The following HSD17B3 variants were observed in gnomAD, a reference collection of about 807,000 sequenced individuals.
The protein encoded by HSD17B3 is 17-beta-hydroxysteroid dehydrogenase type 3.
HSD17B3 carries 29 observed loss-of-function variants against 41.1 expected under a neutral mutation model. The observed-to-expected ratio is 0.71, with a 90% confidence interval of 0.53 to 0.96. HSD17B3 has a LOEUF of 0.96. Among genes scored for constraint, HSD17B3 ranks in the 40% least tolerant of loss-of-function variants. The pLI is 0.00. For missense variants in HSD17B3, 323 were observed against 374.6 expected (o/e 0.86, Z 1.14); for synonymous variants, 126 against 145.6 (o/e 0.87, Z 0.97).
rs757853173 is a variant in HSD17B3, at chr9:96,291,350, AC to A, written c.201+7065del. Among the ~76,000 whole-genome samples, 35 of 55,604 alleles carry A rather than the reference AC, an allele frequency of 6.3e-4. No individual in the cohort carries two copies. In the East Asian group the frequency reaches 0.016, roughly 25 times the overall value. The allele number at this position is 55,604 out of a possible 152,430, so 36.5% of individuals were successfully genotyped here. On this transcript the variant is annotated intron_variant, in intron 2 of 10. Coordinates refer to ENST00000375263, the MANE Select transcript of HSD17B3 (RefSeq NM_000197.2). ...AGGCCCAGGAAGAAGCCAGAACCCCACCCCCACCCAACAGTAAGAAGTAGGC... is the reference window on the plus strand; with the variant it reads ...AGGCCCAGGAAGAAGCCAGAACCCCACCCCACCCAACAGTAAGAAGTAGGC...
rs753222380 is a variant in HSD17B3 at position 96,252,908 on chromosome 9, G to A, written c.280C>T (p.Arg94Trp). The A allele has an allele frequency of 7.5e-6, 12 of 1,596,516 alleles. No homozygotes were observed. Among genetic ancestry groups the A allele is most frequent in the African/African-American group, 2.7e-5 (2 of 74,402 alleles). Residue 94 changes from arginine to tryptophan, a missense_variant and splice_region_variant, in exon 4 of 11, where the codon CGG (arginine) becomes TGG (tryptophan). By Grantham distance (101) the Arg-to-Trp change is moderately radical. Transcript: ENST00000375263. ...ATCTTCACACTCCTCCCTGTAGTCCGCTCTACACGAGAGACAACAGTTTTT... is the reference window on the plus strand; with the variant it reads ...ATCTTCACACTCCTCCCTGTAGTCCACTCTACACGAGAGACAACAGTTTTT... ...KLEAIATEIE[R>W]TTGRSVKIIQ...
At chr9:96,298,211 T>C (rs1827437962) in intron 2 of HSD17B3, among the ~76,000 whole-genome samples, 1 of 152,240 alleles carries the variant, frequency 6.6e-6, no homozygotes, top group African/African-American at 2.4e-5. Flanking sequence ...GGCAAGGTAC[T>C]GTCACCTTTG....
At chr9:96,290,189 C>T (rs539185591) in intron 2 of HSD17B3, among the ~76,000 whole-genome samples, 60 of 152,270 alleles carry the variant, frequency 3.9e-4, no homozygotes, top group African/African-American at 1.4e-3. Flanking sequence ...TTTTTTCCCA[C>T]CTGCCTCAAG....
At chr9:96,270,247 T>TACAC (rs35263931) in intron 2 of HSD17B3, among the ~76,000 whole-genome samples, 2,254 of 147,296 alleles carry the variant, frequency 0.015, 37 homozygotes, top group African/African-American at 0.036. Context: ...CCCAAACACA[T>TACAC]ACACACACAC....
chr9:96,240,172 T>G (rs555859884), intron 10 of HSD17B3, among the ~76,000 whole-genome samples: 1 of 152,280 alleles, frequency 6.6e-6, no homozygotes, highest in South Asian at 2.1e-4. Flanking sequence ...CAAACCACCA[T>G]GGCACATGTA....
intron 8 of HSD17B3, among the ~76,000 whole-genome samples, chr9:96,244,766 T>C (rs1564025277): frequency 6.6e-6 from 1 of 152,156 alleles, no homozygotes; most frequent in African/African-American, 2.4e-5. Flanking sequence ...TTGCATACTA[T>C]AAATAGACAC....
intron 2 of HSD17B3, among the ~76,000 whole-genome samples, chr9:96,261,937 C>T (rs1025068717): frequency 6.6e-6 from 1 of 152,182 alleles, no homozygotes; most frequent in African/African-American, 2.4e-5. Context: ...ACAGGTTCAG[C>T]ACTTGGACTA....
chr9:96,285,718 A>C (rs1826893540), intron 2 of HSD17B3, among the ~76,000 whole-genome samples: 1 of 152,084 alleles, frequency 6.6e-6, no homozygotes, highest in African/African-American at 2.4e-5. Context: ...TGACCCTCAC[A>C]ATATTGATGC....
At chr9:96,238,365 G>T (rs1384787905) in intron 10 of HSD17B3, among the ~76,000 whole-genome samples, 4 of 151,828 alleles carry the variant, frequency 2.6e-5, no homozygotes, top group Non-Finnish European at 4.4e-5. Flanking sequence ...AAGTGCACAA[G>T]AAATCTGTAG....
intron 10 of HSD17B3, among the ~76,000 whole-genome samples, chr9:96,240,384 G>A (rs970878565): frequency 6.6e-6 from 1 of 152,164 alleles, no homozygotes; most frequent in African/African-American, 2.4e-5. Context: ...AGTGGTTTGT[G>A]CTTGTTTTGT....
At chr9:96,250,391 T>C in intron 5 of HSD17B3, 1 of 1,069,384 alleles carries the variant, frequency 9.4e-7, no homozygotes, top group Non-Finnish European at 1.1e-6. Context: ...AGAGAGGAGT[T>C]CAGGAGTTTG....
At chr9:96,289,715 G>A (rs58629280) in intron 2 of HSD17B3, among the ~76,000 whole-genome samples, 2,905 of 152,278 alleles carry the variant, frequency 0.019, 84 homozygotes, top group African/African-American at 0.067. Context: ...GGGGGCGCCC[G>A]AGAACACTTG....
chr9:96,296,195 C>T (rs1458625763), intron 2 of HSD17B3, among the ~76,000 whole-genome samples: 1 of 152,168 alleles, frequency 6.6e-6, no homozygotes, highest in African/African-American at 2.4e-5. Flanking sequence ...CTGCAGTGAG[C>T]TGTTTGCACC....
intron 2 of HSD17B3, 149 bp downstream of exon 2, chr9:96,298,267 A>G: frequency 5.3e-6 from 4 of 754,342 alleles, no homozygotes; most frequent in Non-Finnish European, 9.7e-6. Context: ...TGAGATTATT[A>G]TTTTTGTTTG....
Position 96,259,885 on chromosome 9 carries a change from T to C in HSD17B3, c.202-4942A>G, listed in dbSNP as rs965542014. ...TTTGTTCTGATAGTCTGTTCATCAG[T>C]ATTTGGTTTTCACCATAGACAATAG... On this transcript the variant is annotated intron_variant, in intron 2 of 10. Coordinates refer to ENST00000375263, the MANE Select transcript of HSD17B3 (RefSeq NM_000197.2). 6.6e-5 allele frequency among the ~76,000 whole-genome samples: 10 copies of C among 152,346 alleles called. No homozygotes were observed. In the East Asian group the frequency reaches 1.9e-3, roughly 29 times the overall value.
intron 2 of HSD17B3, among the ~76,000 whole-genome samples, chr9:96,291,053 A>G (rs749900291): frequency 1.3e-5 from 2 of 152,054 alleles, no homozygotes; most frequent in Non-Finnish European, 2.9e-5. Context: ...GCTCTGTAGC[A>G]AGGATCCTGG....
intron 5 of HSD17B3, chr9:96,249,989 T>G: frequency 6.8e-7 from 1 of 1,466,160 alleles, no homozygotes; most frequent in Non-Finnish European, 9.0e-7. Context: ...TCTGTCATTC[T>G]GTACCCACGT....
At chr9:96,300,536 T>A in intron 1 of HSD17B3, among the ~76,000 whole-genome samples, 1 of 126,142 alleles carries the variant, frequency 7.9e-6, no homozygotes, top group Non-Finnish European at 1.7e-5. Flanking sequence ...CCTATAAGCA[T>A]ATTAGAATCT....
In HSD17B3 at chr9:96,296,712, C is replaced by T. The variant is rs149493954; in HGVS notation, c.201+1704G>A. On this transcript the variant is annotated intron_variant, in intron 2 of 10. Coordinates refer to ENST00000375263, the MANE Select transcript of HSD17B3 (RefSeq NM_000197.2). ...CCAAGAAAATGGTTAAATTATGGAC[C>T]ATCCATTTGATGGAATATTATGTTG... Among the ~76,000 whole-genome samples, 8 of 152,018 alleles carry T rather than the reference C, an allele frequency of 5.3e-5. No individual in the cohort carries two copies. The East Asian group carries it at 1.2e-3, about 22-fold the overall frequency.
Sources: allele counts gnomAD v4.1 joint callset (sites outside exome capture counted in the v4.1 genomes callset), GRCh38; gene constraint gnomAD v4.1.1; transcripts MANE v1.5; gene names NCBI Gene and HGNC (gene_info 2026-07-23, HGNC 2026-07-21).